The following SNX31 variants were observed in gnomAD, a reference collection of about 807,000 sequenced individuals.
The protein encoded by SNX31 is sorting nexin 31.
A neutral mutation model predicts 65.4 loss-of-function variants in SNX31; 58 were observed. The ratio of observed to expected loss-of-function variants is 0.89; its 90% CI spans 0.72 to 1.10. SNX31 has a LOEUF of 1.10. Among genes scored for constraint, SNX31 ranks in the 50% least tolerant of loss-of-function variants. The pLI is 0.00. For synonymous variants in SNX31, 181 were observed against 190.1 expected (o/e 0.95, Z 0.39); for missense variants, 523 against 529.7 (o/e 0.99, Z 0.12).
intron 9 of SNX31, among the ~76,000 whole-genome samples, chr8:100,598,860 C>T (rs1341707504): frequency 1.3e-5 from 2 of 152,194 alleles, no homozygotes; most frequent in African/African-American, 4.8e-5. Flanking sequence ...CAGCCTTAGA[C>T]AATACATGAA....
chr8:100,632,962 T>C (rs185735571), intron 3 of SNX31, among the ~76,000 whole-genome samples: 27 of 152,208 alleles, frequency 1.8e-4, no homozygotes, highest in African/African-American at 5.3e-4. Flanking sequence ...TCTTTCTCTG[T>C]TGCCCAGCAT....
In SNX31 at chr8:100,576,879, T is replaced by G; in HGVS notation, c.1227+140A>C. On this transcript the variant is annotated intron_variant, in intron 13 of 13. Transcript: ENST00000311812. The surrounding 1 kb of genome is among the most constrained non-coding windows in gnomAD (Gnocchi z 4.8). ...TATACTTCTGTGATGGCCTTCCAAT[T>G]GGCCCAATCTACAAAGAGGAGCTTC... The G allele has an allele frequency of 1.5e-6, 1 of 682,414 alleles. No homozygotes were observed. The highest frequency in any genetic ancestry group is 2.5e-6 in the Non-Finnish European group (1 of 400,086). 42.3% of individuals were successfully genotyped at this position (682,414 alleles called of 1,614,324 possible). A position where few individuals can be genotyped will look rare whatever the true frequency, so the allele number is the denominator to read the frequency against.
chr8:100,659,382 G>T (rs536749577), intron 1 of SNX31, among the ~76,000 whole-genome samples: 2 of 150,858 alleles, frequency 1.3e-5, no homozygotes, highest in Non-Finnish European at 3.0e-5. Context: ...AAAAAAGCGT[G>T]GGGGGACATC....
At position 100,576,688 on chromosome 8, in the gene SNX31, G is replaced by A. The variant is rs1250987609; in HGVS notation, c.1227+331C>T. Among the ~76,000 whole-genome samples, 1 of 152,114 alleles carries A rather than the reference G, an allele frequency of 6.6e-6. No individual in the cohort carries two copies. Among genetic ancestry groups the A allele is most frequent in the African/African-American group, 2.4e-5 (1 of 41,416 alleles). Reference sequence around the variant, plus strand: ...TACAGAGTATACTGCAGAAAACTATGAGACCAAAATATACTAGATATGTAA... The same window carrying A: ...TACAGAGTATACTGCAGAAAACTATAAGACCAAAATATACTAGATATGTAA... On this transcript the variant is annotated intron_variant, in intron 13 of 13. Coordinates refer to ENST00000311812, the MANE Select transcript of SNX31 (RefSeq NM_152628.4). This position sits in a 1 kb window ranked among gnomAD's most constrained non-coding sequence, Gnocchi z 4.8.
chr8:100,621,509 A>G (rs1024482480), intron 4 of SNX31, among the ~76,000 whole-genome samples: 1 of 152,126 alleles, frequency 6.6e-6, no homozygotes, highest in Non-Finnish European at 1.5e-5. Flanking sequence ...TGAAACCTCC[A>G]TATTTCCCAT....
chr8:100,595,961 T>C (rs1815048192), intron 10 of SNX31, among the ~76,000 whole-genome samples: 1 of 152,052 alleles, frequency 6.6e-6, no homozygotes, highest in African/African-American at 2.4e-5. Context: ...CTTTGAGAAG[T>C]AAGAAATGGT....
chr8:100,615,965 G>A (rs1271272887), intron 5 of SNX31, among the ~76,000 whole-genome samples: 1 of 151,970 alleles, frequency 6.6e-6, no homozygotes, highest in Non-Finnish European at 1.5e-5. Flanking sequence ...CAGTAGAGAT[G>A]TGGTCTCACT....
At chr8:100,619,680 C>A (rs1391223074) in intron 4 of SNX31, 1 of 152,272 alleles carries the variant, frequency 6.6e-6, no homozygotes, top group African/African-American at 2.4e-5. Flanking sequence ...AAAGGCGATG[C>A]TGTCAGTCCA....
At position 100,613,220 on chromosome 8, in the gene SNX31, A is replaced by G; in HGVS notation, c.433-135T>C. The G allele has an allele frequency of 1.5e-6, 1 of 649,028 alleles. No homozygotes were observed. Among genetic ancestry groups the G allele is most frequent in the Non-Finnish European group, 2.7e-6 (1 of 372,746 alleles). The allele number at this position is 649,028 out of a possible 1,614,324, so 40.2% of individuals were successfully genotyped here. A position where few individuals can be genotyped will look rare whatever the true frequency, so the allele number is the denominator to read the frequency against. ...TCATGGGTTAGTGAACACTCAAAGA[A>G]AGCTTTTTGGAATCAAAAAATGGTA... On this transcript the variant is annotated intron_variant, in intron 5 of 13. Transcript: ENST00000311812. The surrounding 1 kb of genome is among the most constrained non-coding windows in gnomAD (Gnocchi z 5.2).
At chr8:100,639,751 T>C (rs1819026914) in intron 2 of SNX31, among the ~76,000 whole-genome samples, 2 of 152,130 alleles carry the variant, frequency 1.3e-5, no homozygotes, top group South Asian at 2.1e-4. Flanking sequence ...AATGAACATA[T>C]CTAGTGCCCA....
rs1817781010 is a variant in SNX31 at position 100,622,694 on chromosome 8, A to T, written c.322-4964T>A. Among the ~76,000 whole-genome samples the T allele has an allele frequency of 1.3e-5, 2 of 151,196 alleles. No individual in the cohort carries two copies. The highest frequency in any genetic ancestry group is 1.5e-5 in the Non-Finnish European group (1 of 67,850). Reference sequence around the variant, plus strand: ...TAAATAAATAAATAAATAAATAAATAAAAATAAAAATAAATTAAATGGGGG... The same window carrying T: ...TAAATAAATAAATAAATAAATAAATTAAAATAAAAATAAATTAAATGGGGG... On this transcript the variant is annotated intron_variant, in intron 4 of 13. Coordinates refer to ENST00000311812, the MANE Select transcript of SNX31 (RefSeq NM_152628.4). This position sits in a 1 kb window ranked among gnomAD's most constrained non-coding sequence, Gnocchi z 5.0.
intron 2 of SNX31, among the ~76,000 whole-genome samples, chr8:100,639,083 T>C (rs1818976052): frequency 6.6e-6 from 1 of 152,166 alleles, no homozygotes; most frequent in Non-Finnish European, 1.5e-5. Context: ...CACATGGAGT[T>C]TTTTAGGGCA....
rs1426265695 is a variant in SNX31 at position 100,609,852 on chromosome 8, C to T, written c.612-1289G>A. ...AGACTGGGGCTCCCACAGGCCAGCA[C>T]AGGTACCCTGTGGCCTGGAGGAAGC... On this transcript the variant is annotated intron_variant, in intron 7 of 13. Transcript: ENST00000311812. This position sits in a 1 kb window ranked among gnomAD's most constrained non-coding sequence, Gnocchi z 4.9. Among the ~76,000 whole-genome samples, 1 of 152,216 alleles carries T rather than the reference C, an allele frequency of 6.6e-6. No individual in the cohort carries two copies. The highest frequency in any genetic ancestry group is 1.5e-5 in the Non-Finnish European group (1 of 68,030).
rs1475261260 is a variant in SNX31 at position 100,604,411 on chromosome 8, G to T, written c.682-3970C>A. Among the ~76,000 whole-genome samples the T allele has an allele frequency of 6.6e-6, 1 of 152,216 alleles. No homozygotes were observed. The highest frequency in any genetic ancestry group is 1.5e-5 in the Non-Finnish European group (1 of 68,030). On this transcript the variant is annotated intron_variant, in intron 8 of 13. Coordinates refer to ENST00000311812, the MANE Select transcript of SNX31 (RefSeq NM_152628.4). The surrounding 1 kb of genome is among the most constrained non-coding windows in gnomAD (Gnocchi z 4.3). Reference sequence around the variant, plus strand: ...GAGGTCATATGCCTCTCAAAGGCCGGCACTGGCCACTCGGCTCTGGCGAAA... The same window carrying T: ...GAGGTCATATGCCTCTCAAAGGCCGTCACTGGCCACTCGGCTCTGGCGAAA...
At chr8:100,635,475 A>G (rs2131214083) in intron 3 of SNX31, among the ~76,000 whole-genome samples, 1 of 151,604 alleles carries the variant, frequency 6.6e-6, no homozygotes, top group Admixed American at 6.6e-5. Context: ...TCCTGGCCTC[A>G]AGTGATCCTC....
rs145416520 is a variant in SNX31, at chr8:100,584,098, T to A, written c.1170+13A>T. The A allele has an allele frequency of 3.2e-5, 52 of 1,600,016 alleles. No individual in the cohort carries two copies. The East Asian group carries it at 1.2e-3, about 36-fold the overall frequency. On this transcript the variant is annotated intron_variant, in intron 12 of 13. Transcript: ENST00000311812. The stretch of plus-strand genomic sequence containing the variant: ...ACGTAAAGTGAAAAATAGACACAGA[T>A]AAGAGCACTCACCATTTCTGTATTC...
intron 4 of SNX31, chr8:100,618,700 A>G: frequency 3.1e-6 from 1 of 318,280 alleles, no homozygotes; most frequent in East Asian, 6.7e-5. Context: ...TGTACTTACT[A>G]TTACTGGCTT....
At chr8:100,624,164 T>G (rs893349926) in intron 4 of SNX31, among the ~76,000 whole-genome samples, 1 of 152,110 alleles carries the variant, frequency 6.6e-6, no homozygotes, top group African/African-American at 2.4e-5. Context: ...AATTGAAGAA[T>G]AATAGCTGGG....
intron 1 of SNX31, chr8:100,657,895 T>TAACAAC (rs141104557): frequency 6.9e-5 from 25 of 359,788 alleles, no homozygotes; most frequent in Non-Finnish European, 1.2e-4. Flanking sequence ...AAACAAAAAA[T>TAACAAC]AACAACAACA....
Sources: gnomAD v4.1 joint callset for allele counts (sites outside exome capture counted in the v4.1 genomes callset) on GRCh38, gnomAD v4.1.1 for gene constraint, Gnocchi (gnomAD v3.1) non-coding constraint, MANE v1.5 for transcripts, NCBI Gene and HGNC (gene_info 2026-07-23, HGNC 2026-07-21) for gene names.